Variants in DYM observed in about 807,000 individuals in gnomAD.
The protein encoded by DYM is dyggve-Melchior-Clausen syndrome protein.
In DYM, 78 loss-of-function variants were observed where a neutral mutation model predicts 93.1. The observed-to-expected ratio is 0.84, with a 90% CI of 0.70 to 1.01. The LOEUF (loss-of-function observed/expected upper bound fraction) is 1.01. Ranked by LOEUF, DYM falls within the 50% of genes least tolerant of loss-of-function variation. DYM has a pLI of 0.00. For synonymous variants in DYM, 321 were observed against 319.7 expected, an observed-to-expected ratio of 1.00 and a Z score of -0.04; for missense variants, 789 against 845.0, an observed-to-expected ratio of 0.93 and a Z score of 0.82.
At chr18:49,074,590 G>A (rs948248286) in intron 17 of DYM, among the ~76,000 whole-genome samples, 4 of 152,196 alleles carry the variant, frequency 2.6e-5, no homozygotes, top group East Asian at 1.9e-4. Flanking sequence ...AAATCAAAAC[G>A]TTTGATTCAA....
At chr18:49,063,395 T>C (rs976506269) in intron 17 of DYM, among the ~76,000 whole-genome samples, 9 of 151,450 alleles carry the variant, frequency 5.9e-5, no homozygotes, top group African/African-American at 1.2e-4. Context: ...TAAATAGATA[T>C]ATGAACAGAA....
intron 8 of DYM, among the ~76,000 whole-genome samples, chr18:49,321,866 A>T (rs2062506570): frequency 6.6e-6 from 1 of 152,078 alleles, no homozygotes; most frequent in African/African-American, 2.4e-5. Context: ...CTTTTTTGAA[A>T]GTTAGAAGTG....
At chr18:49,173,471 C>T (rs2089005776) in intron 14 of DYM, among the ~76,000 whole-genome samples, 1 of 152,016 alleles carries the variant, frequency 6.6e-6, no homozygotes, top group African/African-American at 2.4e-5. Context: ...TTTCTTTCAG[C>T]AATGTTTTAT....
chr18:49,111,802 G>A (rs1011039140), intron 16 of DYM, among the ~76,000 whole-genome samples: 3 of 152,160 alleles, frequency 2.0e-5, no homozygotes, highest in Admixed American at 6.5e-5. Context: ...GGTGGCAGAA[G>A]GTAGGGGATT....
At chr18:49,419,425 T>C (rs2073380875) in intron 2 of DYM, among the ~76,000 whole-genome samples, 1 of 151,902 alleles carries the variant, frequency 6.6e-6, no homozygotes, top group Non-Finnish European at 1.5e-5. Context: ...CAAAACAAAC[T>C]ATAAAGCCAT....
intron 7 of DYM, among the ~76,000 whole-genome samples, 192 bp downstream of exon 7, chr18:49,333,536 G>T (rs75172953): frequency 6.6e-6 from 1 of 152,224 alleles, no homozygotes; most frequent in African/African-American, 2.4e-5. Context: ...GGGACAGGAA[G>T]AACAGGGAGG....
chr18:49,302,769 CT>C (rs77783369), intron 8 of DYM, among the ~76,000 whole-genome samples: 12,186 of 152,210 alleles, frequency 0.08, 765 homozygotes, highest in East Asian at 0.31. Flanking sequence ...AGTTAAGTCC[CT>C]TACTCACATA....
intron 8 of DYM, among the ~76,000 whole-genome samples, chr18:49,288,581 C>G (rs77886781): frequency 6.6e-6 from 1 of 152,018 alleles, no homozygotes; most frequent in Admixed American, 6.5e-5. Flanking sequence ...GAGTTCGAGA[C>G]CAGCCTGGAC....
chr18:49,220,664 C>G (rs36154537), intron 13 of DYM, among the ~76,000 whole-genome samples: 103,693 of 151,946 alleles, frequency 0.68, 37,695 homozygotes, highest in Non-Finnish European at 0.81. Flanking sequence ...AAAGGATTCC[C>G]TATTTAATAA....
intron 17 of DYM, among the ~76,000 whole-genome samples, chr18:49,054,710 G>A (rs918783980): frequency 6.6e-6 from 1 of 152,182 alleles, no homozygotes; most frequent in African/African-American, 2.4e-5. Flanking sequence ...GAGGGACTTG[G>A]GCAGGGGGTC....
At chr18:49,383,761 T>G (rs1187317876) in intron 3 of DYM, among the ~76,000 whole-genome samples, 1 of 152,220 alleles carries the variant, frequency 6.6e-6, no homozygotes, top group Non-Finnish European at 1.5e-5. Context: ...CCCGGGTCAG[T>G]GTTTTTTGCA....
chr18:49,319,496 G>GA (rs2062299332), intron 8 of DYM, among the ~76,000 whole-genome samples: 1 of 152,140 alleles, frequency 6.6e-6, no homozygotes, highest in African/African-American at 2.4e-5. Context: ...AGGTTGTTTG[G>GA]AAAACTAAAG....
chr18:49,304,906 TCAGCTACC>T (rs1478072234), intron 8 of DYM, among the ~76,000 whole-genome samples: 5 of 152,094 alleles, frequency 3.3e-5, no homozygotes, highest in African/African-American at 4.8e-5. Context: ...CTATTCTACC[TCAGCTACC>T]CAGCCCCTTA....
chr18:49,289,474 G>A (rs752901137), intron 8 of DYM, among the ~76,000 whole-genome samples: 35 of 147,132 alleles, frequency 2.4e-4, no homozygotes, highest in Non-Finnish European at 4.6e-4. Flanking sequence ...GGCTGAGGCA[G>A]GAGGACTGCT....
At chr18:49,215,386 T>C (rs1339371965) in intron 13 of DYM, among the ~76,000 whole-genome samples, 2 of 152,238 alleles carry the variant, frequency 1.3e-5, no homozygotes, top group Admixed American at 1.3e-4. Context: ...TCACTGGTAG[T>C]ATTGAGAATT....
intron 8 of DYM, among the ~76,000 whole-genome samples, chr18:49,326,148 T>A (rs1027326011): frequency 1.1e-4 from 16 of 151,928 alleles, no homozygotes; most frequent in Non-Finnish European, 2.2e-4. Flanking sequence ...CAACACATAT[T>A]TTTTTTTAAG....
At chr18:49,309,138 A>G (rs766113828) in intron 8 of DYM, among the ~76,000 whole-genome samples, 25 of 152,208 alleles carry the variant, frequency 1.6e-4, no homozygotes, top group Admixed American at 3.3e-4. Context: ...TATAATTTAA[A>G]TATCTATGAA....
At chr18:49,077,873 T>C (rs2077440391) in intron 17 of DYM, among the ~76,000 whole-genome samples, 1 of 151,936 alleles carries the variant, frequency 6.6e-6, no homozygotes, top group African/African-American at 2.4e-5. Flanking sequence ...CAGTATATAG[T>C]TGGGTCTTAT....
At chr18:49,237,291 A>G (rs917526009) in intron 13 of DYM, among the ~76,000 whole-genome samples, 7 of 152,204 alleles carry the variant, frequency 4.6e-5, no homozygotes, top group Admixed American at 2.0e-4. Flanking sequence ...GCATTTATAT[A>G]AACAACTTAA....
Sources: allele counts gnomAD v4.1 joint callset (sites outside exome capture counted in the v4.1 genomes callset), GRCh38; gene constraint gnomAD v4.1.1; transcripts MANE v1.5; gene names NCBI Gene and HGNC (gene_info 2026-07-23, HGNC 2026-07-21).